Variants in MICOS10 observed in about 807,000 individuals in gnomAD.
MICOS10 encodes the protein MICOS complex subunit MIC10.
A neutral mutation model predicts 13.4 loss-of-function variants in MICOS10; 5 were observed. The ratio of observed to expected loss-of-function variants is 0.37; its 90% CI spans 0.20 to 0.78. The LOEUF is 0.78. MICOS10 is among the 30% of genes least tolerant of loss of function. MICOS10 has a pLI of 0.47. For missense variants in MICOS10, 101 were observed against 94.6 expected, an observed-to-expected ratio of 1.07 and a Z score of -0.28; for synonymous variants, 35 against 33.6, an observed-to-expected ratio of 1.04 and a Z score of -0.15.
chr1:19,611,220 GGGATTA>G (rs575407048), intron 1 of MICOS10, among the ~76,000 whole-genome samples: 83 of 152,220 alleles, frequency 5.5e-4, no homozygotes, highest in African/African-American at 1.9e-3. Flanking sequence ...CCAAAGCGCT[GGGATTA>G]CAGGTGCAAG....
In MICOS10 at chr1:19,596,986, T is replaced by C; in HGVS notation, c.-60T>C. On this transcript the variant is annotated 5_prime_UTR_variant, in exon 1 of 4. Transcript: ENST00000322753. ...GACTTGTTTCCAGCTCTCGCGAGAC[T>C]TTCAGGGGTCGGAGCGCGGGGGCCG... 6.5e-7 allele frequency: 1 copy of C among 1,532,418 alleles called. No individual in the cohort carries two copies. The highest frequency in any genetic ancestry group is 1.2e-5 in the South Asian group (1 of 84,066). The allele number at this position is 1,532,418 out of a possible 1,614,324, so 94.9% of individuals were successfully genotyped here. A position where few individuals can be genotyped will look rare whatever the true frequency, so the allele number is the denominator to read the frequency against.
intron 1 of MICOS10, among the ~76,000 whole-genome samples, chr1:19,604,282 G>A (rs1225824926): frequency 6.6e-6 from 1 of 152,134 alleles, no homozygotes; most frequent in African/African-American, 2.4e-5. Context: ...TGAGGTGGGT[G>A]GATCGCTTGA....
At chr1:19,626,327 T>G in intron 3 of MICOS10, 60 bp from the exon 4 acceptor site, 2 of 1,611,680 alleles carry the variant, frequency 1.2e-6, no homozygotes, top group South Asian at 2.2e-5. Flanking sequence ...ATACAGCAAT[T>G]AGAGAGGGTT....
At chr1:19,624,369 C>T (rs573203801) in intron 3 of MICOS10, among the ~76,000 whole-genome samples, 1 of 151,794 alleles carries the variant, frequency 6.6e-6, no homozygotes, top group South Asian at 2.1e-4. Context: ...TCACTGCGAC[C>T]TCTGCCTCCC....
chr1:19,623,703 C>T (rs1042649851), intron 3 of MICOS10, 120 bp downstream of exon 3: 15 of 683,916 alleles, frequency 2.2e-5, no homozygotes, highest in African/African-American at 1.3e-4. Context: ...GCACCACTCT[C>T]AGATACTAAT....
In MICOS10 at chr1:19,628,663, AGAGC is replaced by A. The variant is rs2094929482; in HGVS notation, c.*2266_*2269del. 2 of 142,910 alleles carry A rather than the reference AGAGC, an allele frequency of 1.4e-5. No individual in the cohort carries two copies. The highest frequency in any genetic ancestry group is 2.7e-5 in the African/African-American group (1 of 36,554). The allele number at this position is 142,910 out of a possible 1,614,324, so 8.9% of individuals were successfully genotyped here. ...CGCCACTGCACTCCAGCCCGGCGAC[AGAGC>A]GAGAATCTGTCTCAAAAAAAAAAAA... On this transcript the variant is annotated 3_prime_UTR_variant, in exon 4 of 4. Transcript: ENST00000322753.
rs937524982 is a variant in MICOS10, at chr1:19,626,994, G to C, written c.*593G>C. 1.3e-5 allele frequency: 2 copies of C among 154,862 alleles called. No homozygotes were observed. The highest frequency in any genetic ancestry group is 4.8e-5 in the African/African-American group (2 of 41,484). 9.6% of individuals were successfully genotyped at this position (154,862 alleles called of 1,614,324 possible). Reference sequence around the variant, plus strand: ...TATTAGCAGGGGAAGAATCCTGGCTGTGTGGATGGCCCACTCCATTGAAGT... The same window carrying C: ...TATTAGCAGGGGAAGAATCCTGGCTCTGTGGATGGCCCACTCCATTGAAGT... On this transcript the variant is annotated 3_prime_UTR_variant, in exon 4 of 4. Coordinates refer to ENST00000322753, the MANE Select transcript of MICOS10 (RefSeq NM_001032363.4).
chr1:19,616,868 T>G (rs2094886278), intron 1 of MICOS10, among the ~76,000 whole-genome samples: 2 of 152,238 alleles, frequency 1.3e-5, no homozygotes, highest in South Asian at 4.1e-4. Flanking sequence ...TAGATGTTAG[T>G]ACCTCCAAAG....
rs2094932889 is a variant in MICOS10 at position 19,629,816 on chromosome 1, C to T, written c.*3415C>T. On this transcript the variant is annotated 3_prime_UTR_variant, in exon 4 of 4. Transcript: ENST00000322753. ...CCAAATAAACTCTGCAAAGTATTTCCACAAGGATGTGACTCCATGGCGCTT... is the reference window on the plus strand; with the variant it reads ...CCAAATAAACTCTGCAAAGTATTTCTACAAGGATGTGACTCCATGGCGCTT... 1 of 152,170 alleles carries T rather than the reference C, an allele frequency of 6.6e-6. No homozygotes were observed. Among genetic ancestry groups the T allele is most frequent in the Non-Finnish European group, 1.5e-5 (1 of 68,048 alleles). 9.4% of individuals were successfully genotyped at this position (152,170 alleles called of 1,614,324 possible).
In MICOS10 at chr1:19,613,055, CT is replaced by C. The variant is rs373485951; in HGVS notation, c.65-9043del. On this transcript the variant is annotated intron_variant, in intron 1 of 3. Coordinates refer to ENST00000322753, the MANE Select transcript of MICOS10 (RefSeq NM_001032363.4). The stretch of plus-strand genomic sequence containing the variant: ...CCTTGCCTTTGCCTGTACTGGTTGT[CT>C]TCCATACCATCTCTTTCATTTCTGC... 1.7e-4 allele frequency among the ~76,000 whole-genome samples: 26 copies of C among 152,314 alleles called. No homozygotes were observed. In the East Asian group the frequency reaches 3.9e-3, roughly 23 times the overall value.
intron 2 of MICOS10, 54 bp from the exon 3 acceptor site, chr1:19,623,420 C>T (rs751290671): frequency 4.5e-6 from 5 of 1,107,442 alleles, no homozygotes; most frequent in African/African-American, 1.6e-5. Flanking sequence ...GGATGGGGAG[C>T]TTTATCTTCT....
At chr1:19,620,667 A>G (rs1385407123) in intron 1 of MICOS10, among the ~76,000 whole-genome samples, 1 of 152,168 alleles carries the variant, frequency 6.6e-6, no homozygotes, top group East Asian at 1.9e-4. Flanking sequence ...CTATAATAGG[A>G]GCAAAACTGG....
intron 3 of MICOS10, among the ~76,000 whole-genome samples, chr1:19,626,039 CG>C (rs1224820670): frequency 6.6e-6 from 1 of 152,110 alleles, no homozygotes; most frequent in African/African-American, 2.4e-5. Context: ...AGACTCTTAC[CG>C]GGGTTGAGAA....
At chr1:19,619,519 G>A (rs1022277712) in intron 1 of MICOS10, among the ~76,000 whole-genome samples, 1 of 152,128 alleles carries the variant, frequency 6.6e-6, no homozygotes, top group Non-Finnish European at 1.5e-5. Context: ...TCCATTGGTT[G>A]TTCTCCTTTT....
intron 1 of MICOS10, among the ~76,000 whole-genome samples, chr1:19,609,170 A>C (rs570776233): frequency 5.3e-5 from 8 of 152,064 alleles, no homozygotes; most frequent in African/African-American, 1.9e-4. Context: ...CTAATTAAAA[A>C]AAAATTTTTT....
chr1:19,610,959 T>A (rs998154419), intron 1 of MICOS10, among the ~76,000 whole-genome samples: 1 of 152,056 alleles, frequency 6.6e-6, no homozygotes, highest in African/African-American at 2.4e-5. Context: ...TCTCTTTTTT[T>A]TTTTGAGACA....
intron 2 of MICOS10, 148 bp downstream of exon 2, chr1:19,622,295 T>A (rs2094906456): frequency 1.8e-6 from 1 of 556,848 alleles, no homozygotes; most frequent in Admixed American, 3.9e-5. Context: ...ATAAAATGAA[T>A]TAGATAAAGA....
intron 1 of MICOS10, among the ~76,000 whole-genome samples, chr1:19,603,930 A>G (rs1426096102): frequency 6.6e-6 from 1 of 152,210 alleles, no homozygotes; most frequent in Non-Finnish European, 1.5e-5. Flanking sequence ...TGTGTCAAGC[A>G]CAACAGTGAT....
intron 1 of MICOS10, among the ~76,000 whole-genome samples, chr1:19,614,107 G>A (rs1469405607): frequency 6.6e-6 from 1 of 151,906 alleles, no homozygotes; most frequent in Non-Finnish European, 1.5e-5. Context: ...ACAGAGTCCT[G>A]CTCTGTCACT....
Sources: gnomAD v4.1 joint callset for allele counts (sites outside exome capture counted in the v4.1 genomes callset) on GRCh38, gnomAD v4.1.1 for gene constraint, MANE v1.5 for transcripts, NCBI Gene and HGNC (gene_info 2026-07-23, HGNC 2026-07-21) for gene names.